TMEM143: variants seen among roughly 807,000 people sequenced by gnomAD.
The protein encoded by TMEM143 is transmembrane protein 143.
TMEM143 carries 45 observed loss-of-function variants against 40.3 expected under a neutral mutation model. The ratio of observed to expected loss-of-function variants is 1.12; its 90% confidence interval spans 0.88 to 1.43. TMEM143 has a LOEUF of 1.43. TMEM143 is among the 40% of genes most tolerant of loss of function. TMEM143 has a pLI of 0.00. For synonymous variants in TMEM143, 299 were observed against 282.7 expected (o/e 1.06, Z -0.58); for missense variants, 620 against 613.4 (o/e 1.01, Z -0.11).
At chr19:48,337,557 GA>G (rs146218078) in intron 6 of TMEM143, among the ~76,000 whole-genome samples, 73,506 of 145,538 alleles carry the variant, frequency 0.51, 18,375 homozygotes, top group African/African-American at 0.57. Flanking sequence ...AAAAAAAGAA[GA>G]AAAAAAAAAA....
chr19:48,345,442 T>TTTTATTTA lies in TMEM143; in HGVS notation c.370-89_370-88insTAAATAAA, dbSNP rs879586059. 35 of 587,102 alleles carry TTTTATTTA rather than the reference T, an allele frequency of 6.0e-5. 2 individuals carry two copies. The highest frequency in any genetic ancestry group is 1.5e-4 in the East Asian group (4 of 25,826). 36.4% of individuals were successfully genotyped at this position (587,102 alleles called of 1,614,324 possible). A position where few individuals can be genotyped will look rare whatever the true frequency, so the allele number is the denominator to read the frequency against. ...TCTAAGGACATCCCTCTCCAGATACTTTCATTTATTTATTTATTTATTTAT... is the reference window on the plus strand; with the variant it reads ...TCTAAGGACATCCCTCTCCAGATACTTTTATTTATTCATTTATTTATTTATTTATTTAT... On this transcript the variant is annotated intron_variant, in intron 3 of 7. Coordinates refer to ENST00000293261, the MANE Select transcript of TMEM143 (RefSeq NM_018273.4).
At chr19:48,340,121 A>ATTT (rs11369636) in intron 6 of TMEM143, among the ~76,000 whole-genome samples, 449 of 98,534 alleles carry the variant, frequency 4.6e-3, no homozygotes, top group East Asian at 8.2e-3. Context: ...GTCAACTGGG[A>ATTT]TTTTTTTTTT....
chr19:48,336,786 AAGATCAAGACCACGAGGTCAGG>A (rs1969379739), intron 6 of TMEM143, among the ~76,000 whole-genome samples: 4 of 151,120 alleles, frequency 2.6e-5, no homozygotes, highest in East Asian at 2.0e-4. Flanking sequence ...ACGAGGTCAG[AAGATCAAGACCACGAGGTCAGG>A]AGATCGAGAC....
At chr19:48,355,405 T>C (rs1969866779) in intron 3 of TMEM143, among the ~76,000 whole-genome samples, 2 of 152,154 alleles carry the variant, frequency 1.3e-5, no homozygotes, top group South Asian at 4.1e-4. Flanking sequence ...TGGAAGAGCT[T>C]GGAGGCAGGC....
chr19:48,359,410 G>A (rs1008444071), intron 3 of TMEM143, among the ~76,000 whole-genome samples: 19 of 151,634 alleles, frequency 1.3e-4, no homozygotes, highest in South Asian at 8.3e-4. Context: ...CATCAGGCTC[G>A]TTCCCCCTCT....
chr19:48,334,282 G>C, intron 6 of TMEM143, 85 bp from the exon 7 acceptor site: 2 of 1,409,932 alleles, frequency 1.4e-6, no homozygotes, highest in Non-Finnish European at 1.9e-6. Context: ...CCGCTGGCAC[G>C]GCCCACGCCG....
rs1225220729 is a variant in TMEM143, at chr19:48,357,353, T to C, written c.369+2719A>G. 1.5e-4 allele frequency among the ~76,000 whole-genome samples: 18 copies of C among 116,156 alleles called. No individual in the cohort carries two copies. The East Asian group carries it at 2.7e-3, about 17-fold the overall frequency. The allele number at this position is 116,156 out of a possible 152,430, so 76.2% of individuals were successfully genotyped here. The stretch of plus-strand genomic sequence containing the variant: ...CACATATTCAAGTCTATCTTTCTTT[T>C]TTTTTTTTTTTTTTTTTCTGAGACG... On this transcript the variant is annotated intron_variant, in intron 3 of 7. Transcript: ENST00000293261.
At chr19:48,362,170 G>A (rs574695254) in intron 2 of TMEM143, among the ~76,000 whole-genome samples, 3 of 146,360 alleles carry the variant, frequency 2.0e-5, no homozygotes, top group South Asian at 2.1e-4. Flanking sequence ...GTATTTGTGT[G>A]TGTGTATTTG....
At chr19:48,361,711 A>G (rs1406789933) in intron 2 of TMEM143, among the ~76,000 whole-genome samples, 1 of 150,612 alleles carries the variant, frequency 6.6e-6, no homozygotes, top group Non-Finnish European at 1.5e-5. Flanking sequence ...TTGTATTTTT[A>G]GTAGAGACGG....
At chr19:48,343,482 G>A (rs1403476729) in intron 4 of TMEM143, 31 bp from the exon 5 acceptor site, 14 of 1,552,230 alleles carry the variant, frequency 9.0e-6, no homozygotes, top group South Asian at 1.2e-5. Flanking sequence ...GCAGTGGCGG[G>A]TGAACATGGG....
At chr19:48,356,893 CTTTTTTTTTT>C (rs150265757) in intron 3 of TMEM143, among the ~76,000 whole-genome samples, 5 of 50,456 alleles carry the variant, frequency 9.9e-5, no homozygotes, top group Non-Finnish European at 7.1e-5. Context: ...AGCACCTGGC[CTTTTTTTTTT>C]TTTTTTTTTT....
intron 3 of TMEM143, among the ~76,000 whole-genome samples, chr19:48,351,857 AG>A: frequency 6.6e-6 from 1 of 152,110 alleles, no homozygotes; most frequent in East Asian, 1.9e-4. Context: ...TTTGAAAAAA[AG>A]AAAAATACAG....
At position 48,354,247 on chromosome 19, in the gene TMEM143, C is replaced by A. The variant is rs183503571; in HGVS notation, c.369+5825G>T. On this transcript the variant is annotated intron_variant, in intron 3 of 7. Coordinates refer to ENST00000293261, the MANE Select transcript of TMEM143 (RefSeq NM_018273.4). ...GTGCTGGGATTATAGGCGTGAGCCACCGCGCCCAGACTTTTTCTTTTTTTT... is the reference window on the plus strand; with the variant it reads ...GTGCTGGGATTATAGGCGTGAGCCAACGCGCCCAGACTTTTTCTTTTTTTT... Among the ~76,000 whole-genome samples the A allele has an allele frequency of 7.5e-3, 1,103 of 146,884 alleles. 9 individuals are homozygous for A. The highest frequency in any genetic ancestry group is 9.8e-3 in the Non-Finnish European group (659 of 67,306).
chr19:48,339,503 G>A (rs1324005777), intron 6 of TMEM143, among the ~76,000 whole-genome samples: 2 of 152,188 alleles, frequency 1.3e-5, no homozygotes, highest in East Asian at 3.9e-4. Flanking sequence ...CTGTTCCAAG[G>A]TGAGATGGGG....
chr19:48,341,403 G>A (rs1969484416), intron 6 of TMEM143, among the ~76,000 whole-genome samples: 1 of 152,134 alleles, frequency 6.6e-6, no homozygotes, highest in South Asian at 2.1e-4. Flanking sequence ...AGTTCCCTGG[G>A]CCCCAGTCCC....
At chr19:48,350,062 G>A (rs1385326983) in intron 3 of TMEM143, among the ~76,000 whole-genome samples, 3 of 142,104 alleles carry the variant, frequency 2.1e-5, no homozygotes, top group Admixed American at 7.4e-5. Context: ...GTGCAATGGC[G>A]CAATCTTGAC....
At chr19:48,334,281 C>A in intron 6 of TMEM143, 84 bp from the exon 7 acceptor site, 2 of 1,410,324 alleles carry the variant, frequency 1.4e-6, no homozygotes, top group Non-Finnish European at 1.9e-6. Flanking sequence ...CCCGCTGGCA[C>A]GGCCCACGCC....
chr19:48,359,836 G>C (rs912792655), intron 3 of TMEM143: 3 of 474,862 alleles, frequency 6.3e-6, no homozygotes. Context: ...TCACTACTCC[G>C]CCTCATTGTT....
rs1054626534 is a variant in TMEM143 at position 48,360,142 on chromosome 19, A to C, written c.299T>G (p.Leu100Trp). The C allele has an allele frequency of 2.5e-6, 4 of 1,614,026 alleles. No individual in the cohort carries two copies. The African/African-American group carries it at 5.3e-5, about 22-fold the overall frequency. ...GTCCACGTGGGCCGAGAACGCCTCC[A>C]AAGCCGCCTTCTCTGCCGGACTCGA... Reference protein sequence around the residue: ...FHSSPAEKAALEAFSAHVDFC... With the variant: ...FHSSPAEKAAWEAFSAHVDFC... Residue 100 changes from leucine to tryptophan, a missense_variant, in exon 3 of 8, where the codon TTG becomes TGG. Coordinates refer to ENST00000293261, the MANE Select transcript of TMEM143 (RefSeq NM_018273.4).
Sources: allele counts gnomAD v4.1 joint callset (sites outside exome capture counted in the v4.1 genomes callset), GRCh38; gene constraint gnomAD v4.1.1; transcripts MANE v1.5; gene names NCBI Gene and HGNC (gene_info 2026-07-23, HGNC 2026-07-21).